LRIG2: variants seen among roughly 807,000 people sequenced by gnomAD.
LRIG2 encodes leucine-rich repeats and immunoglobulin-like domains protein 2.
In LRIG2, 93 loss-of-function variants were observed where a neutral mutation model predicts 107.8. The ratio of observed to expected loss-of-function variants is 0.86; its 90% CI spans 0.73 to 1.03. The LOEUF (loss-of-function observed/expected upper bound fraction) is 1.03. Ranked by LOEUF, LRIG2 falls within the 50% of genes least tolerant of loss-of-function variation. LRIG2 has a pLI of 0.00. For missense variants in LRIG2, 1,226 were observed against 1,296.0 expected, an observed-to-expected ratio of 0.95 and a Z score of 0.83; for synonymous variants, 471 against 470.6, an observed-to-expected ratio of 1.00 and a Z score of -0.01.
intron 1 of LRIG2, among the ~76,000 whole-genome samples, chr1:113,084,635 C>T (rs1182997783): frequency 3.2e-5 from 4 of 125,940 alleles, no homozygotes; most frequent in Non-Finnish European, 7.0e-5. Flanking sequence ...AAAACAAAAT[C>T]AGCACATGAG....
Position 113,112,507 on chromosome 1 carries a change from G to A in LRIG2, c.1827G>A (p.Met609Ile). 6.8e-6 allele frequency: 11 copies of A among 1,607,098 alleles called. No individual in the cohort carries two copies. Among genetic ancestry groups the A allele is most frequent in the Non-Finnish European group, 9.4e-6 (11 of 1,175,132 alleles). Residue 609 changes from methionine (M) to isoleucine (I), a missense_variant, in exon 14 of 18, where the codon ATG becomes ATA. Transcript: ENST00000361127. ...TGCCATCTTTTCTGAAAACGCCAAT[G>A]GATCTGACTATTCGCACTGGTGCCA... ...NEMPSFLKTP[M>I]DLTIRTGAMA...
intron 1 of LRIG2, among the ~76,000 whole-genome samples, chr1:113,075,665 C>T (rs1263964337): frequency 6.8e-6 from 1 of 147,034 alleles, no homozygotes; most frequent in Non-Finnish European, 1.5e-5. Context: ...CTTCATTTAG[C>T]TGTAATTGGA....
chr1:113,087,207 T>TA (rs1203911987), intron 1 of LRIG2, among the ~76,000 whole-genome samples: 3 of 151,826 alleles, frequency 2.0e-5, no homozygotes, highest in African/African-American at 7.3e-5. Flanking sequence ...TCCTGCTTTT[T>TA]AAAAAAAAAT....
At position 113,073,517 on chromosome 1, in the gene LRIG2, C is replaced by A. The variant is rs1015254293; in HGVS notation, c.111C>A (p.Ala37=). 2 of 1,614,106 alleles carry A rather than the reference C, an allele frequency of 1.2e-6. No individual in the cohort carries two copies. Among genetic ancestry groups the A allele is most frequent in the East Asian group, 4.5e-5 (2 of 44,866 alleles). The change falls in exon 1 of 18, where the codon GCC becomes GCA. Residue 37 remains alanine (A), a synonymous_variant. Transcript: ENST00000361127. ...AGACCGCTCTCCTCCTGTTGCCCGC[C>A]GCCGGAGCAGGTCTCTGCCCCGCGC... ...IAQTALLLLP[A]AGAGLCPAPC...
rs749665205 is a variant in LRIG2, at chr1:113,094,654, A to T, written c.702A>T (p.Thr234=). Residue 234 remains threonine, a synonymous_variant, in exon 6 of 18, where the codon ACA becomes ACT. Coordinates refer to ENST00000361127, the MANE Select transcript of LRIG2 (RefSeq NM_014813.3). ...RNRIKIVEGL[T]FQGLDSLRSL... The stretch of plus-strand genomic sequence containing the variant: ...GAATTAAAATTGTGGAAGGTCTTAC[A>T]TTCCAAGGGCTTGACTCCTTAAGAT... 1 of 1,613,872 alleles carries T rather than the reference A, an allele frequency of 6.2e-7. No individual in the cohort carries two copies. Among genetic ancestry groups the T allele is most frequent in the East Asian group, 2.2e-5 (1 of 44,850 alleles).
At position 113,131,370 on chromosome 1, in the gene LRIG2, C is replaced by T. The variant is rs909712967; in HGVS notation, c.*7269C>T. On this transcript the variant is annotated 3_prime_UTR_variant, in exon 18 of 18. Coordinates refer to ENST00000361127, the MANE Select transcript of LRIG2 (RefSeq NM_014813.3). Reference sequence around the variant, plus strand: ...GCCTTTTTTAATCATTTTAATATCCCCAGAAATGCTAGAAGTGTAAAGGAA... The same window carrying T: ...GCCTTTTTTAATCATTTTAATATCCTCAGAAATGCTAGAAGTGTAAAGGAA... The T allele has an allele frequency of 6.6e-6, 1 of 152,088 alleles. No individual in the cohort carries two copies. The highest frequency in any genetic ancestry group is 1.5e-5 in the Non-Finnish European group (1 of 68,022). The allele number at this position is 152,088 out of a possible 1,614,324, so 9.4% of individuals were successfully genotyped here. A position where few individuals can be genotyped will look rare whatever the true frequency, so the allele number is the denominator to read the frequency against.
Position 113,127,061 on chromosome 1 carries a change from G to C in LRIG2, c.*2960G>C, listed in dbSNP as rs1655509677. 6.6e-6 allele frequency: 1 copy of C among 152,170 alleles called. No individual in the cohort carries two copies. Among genetic ancestry groups the C allele is most frequent in the East Asian group, 1.9e-4 (1 of 5,200 alleles). The allele number at this position is 152,170 out of a possible 1,614,324, so 9.4% of individuals were successfully genotyped here. A position where few individuals can be genotyped will look rare whatever the true frequency, so the allele number is the denominator to read the frequency against. The stretch of plus-strand genomic sequence containing the variant: ...GTTGTGTTCACTTTGTGCTTTCTCT[G>C]AATGGGAATATCTTCTTTCAGCAAA... On this transcript the variant is annotated 3_prime_UTR_variant, in exon 18 of 18. Coordinates refer to ENST00000361127, the MANE Select transcript of LRIG2 (RefSeq NM_014813.3).
chr1:113,083,572 C>G (rs1447050818), intron 1 of LRIG2, among the ~76,000 whole-genome samples: 1 of 151,726 alleles, frequency 6.6e-6, no homozygotes, highest in Non-Finnish European at 1.5e-5. Flanking sequence ...TCTCGAACTC[C>G]AGACCTCAGG....
chr1:113,109,519 A>G (rs1339896192), intron 12 of LRIG2, among the ~76,000 whole-genome samples: 1 of 152,194 alleles, frequency 6.6e-6, no homozygotes, highest in East Asian at 1.9e-4. Flanking sequence ...ATGGTTATAT[A>G]TATACATATA....
chr1:113,124,647 T>C lies in LRIG2; in HGVS notation c.*546T>C, dbSNP rs1655410951. On this transcript the variant is annotated 3_prime_UTR_variant, in exon 18 of 18. Coordinates refer to ENST00000361127, the MANE Select transcript of LRIG2 (RefSeq NM_014813.3). Reference sequence around the variant, plus strand: ...CAACTGGTACCAGGTCAAAGATTTTTGTATTCTTGTGAATTTTTTTTTTTG... The same window carrying C: ...CAACTGGTACCAGGTCAAAGATTTTCGTATTCTTGTGAATTTTTTTTTTTG... 1 of 153,512 alleles carries C rather than the reference T, an allele frequency of 6.5e-6. No individual in the cohort carries two copies. The highest frequency in any genetic ancestry group is 2.4e-5 in the African/African-American group (1 of 41,446). The allele number at this position is 153,512 out of a possible 1,614,324, so 9.5% of individuals were successfully genotyped here. A position where few individuals can be genotyped will look rare whatever the true frequency, so the allele number is the denominator to read the frequency against.
At chr1:113,075,789 A>G (rs1302203118) in intron 1 of LRIG2, among the ~76,000 whole-genome samples, 1 of 138,484 alleles carries the variant, frequency 7.2e-6, no homozygotes, top group Non-Finnish European at 1.5e-5. Flanking sequence ...TCTGCTTCCC[A>G]GGTTCAAGCG....
intron 15 of LRIG2, among the ~76,000 whole-genome samples, chr1:113,115,620 C>T (rs990940641): frequency 5.9e-5 from 9 of 151,846 alleles, no homozygotes; most frequent in South Asian, 2.1e-4. Context: ...TTCCACTTCC[C>T]GGGTTCAAGC....
intron 1 of LRIG2, among the ~76,000 whole-genome samples, chr1:113,078,289 A>T (rs1205779923): frequency 2.7e-5 from 4 of 149,434 alleles, no homozygotes; most frequent in African/African-American, 9.9e-5. Context: ...CCCAGGCTGG[A>T]GTGTAGTGGT....
At chr1:113,084,005 T>C (rs1653413720) in intron 1 of LRIG2, among the ~76,000 whole-genome samples, 2 of 109,158 alleles carry the variant, frequency 1.8e-5, no homozygotes, top group Non-Finnish European at 3.9e-5. Flanking sequence ...AGTATAATAA[T>C]AATAATAATA....
At chr1:113,121,728 G>A (rs377014361) in intron 17 of LRIG2, among the ~76,000 whole-genome samples, 16 of 151,256 alleles carry the variant, frequency 1.1e-4, no homozygotes, top group East Asian at 9.7e-4. Context: ...AGACATCAGG[G>A]TGAGACTCTG....
In LRIG2 at chr1:113,081,474, G is replaced by A. The variant is rs184379565; in HGVS notation, c.239+7829G>A. On this transcript the variant is annotated intron_variant, in intron 1 of 17. Coordinates refer to ENST00000361127, the MANE Select transcript of LRIG2 (RefSeq NM_014813.3). Reference sequence around the variant, plus strand: ...CAAGTAGCTGGGACTACAGGCACGCGCCACCATACCCAGCTAATTTTTGTA... The same window carrying A: ...CAAGTAGCTGGGACTACAGGCACGCACCACCATACCCAGCTAATTTTTGTA... Among the ~76,000 whole-genome samples the A allele has an allele frequency of 1.3e-3, 192 of 151,628 alleles. 1 individual carries two copies. Among genetic ancestry groups the A allele is most frequent in the Non-Finnish European group, 2.3e-3 (158 of 67,876 alleles).
chr1:113,092,442 C>G (rs1653869399), intron 2 of LRIG2, among the ~76,000 whole-genome samples: 1 of 152,118 alleles, frequency 6.6e-6, no homozygotes, highest in Non-Finnish European at 1.5e-5. Context: ...TAAATTTCAT[C>G]TGTGGTCTCA....
intron 12 of LRIG2, 53 bp downstream of exon 12, chr1:113,107,810 G>T (rs1654602252): frequency 1.4e-6 from 2 of 1,464,092 alleles, no homozygotes; most frequent in Non-Finnish European, 1.8e-6. Flanking sequence ...AATCTTAACA[G>T]AATTAAAAAA....
rs918081750 is a variant in LRIG2 at position 113,082,653 on chromosome 1, CTTAT to C, written c.240-8650_240-8647del. Among the ~76,000 whole-genome samples the C allele has an allele frequency of 5.9e-5, 9 of 152,122 alleles. No homozygotes were observed. The South Asian group carries it at 6.2e-4, about 11-fold the overall frequency. ...TTATTTATTTAGAGACAGGGTCTCTCTTATTTATTTATTTATTTGAGACGAAGTC... is the reference window on the plus strand; with the variant it reads ...TTATTTATTTAGAGACAGGGTCTCTCTTATTTATTTATTTGAGACGAAGTC... On this transcript the variant is annotated intron_variant, in intron 1 of 17. Coordinates refer to ENST00000361127, the MANE Select transcript of LRIG2 (RefSeq NM_014813.3).
Sources: allele counts gnomAD v4.1 joint callset (sites outside exome capture counted in the v4.1 genomes callset), GRCh38; gene constraint gnomAD v4.1.1; transcripts MANE v1.5; gene names NCBI Gene and HGNC (gene_info 2026-07-23, HGNC 2026-07-21).